The following CHCHD6 variants were observed in gnomAD, a reference collection of about 807,000 sequenced individuals.
The protein encoded by CHCHD6 is coiled-coil-helix-coiled-coil-helix domain containing 6.
A neutral mutation model predicts 32.3 loss-of-function variants in CHCHD6; 28 were observed. That is an observed-to-expected ratio of 0.87 (90% CI 0.64 to 1.19). The LOEUF (loss-of-function observed/expected upper bound fraction) is 1.19. Among genes scored for constraint, CHCHD6 ranks in the 50% most tolerant of loss-of-function variants. CHCHD6 has a pLI of 0.00. For missense variants in CHCHD6, 333 were observed against 307.0 expected, an observed-to-expected ratio of 1.08 and a Z score of -0.63; for synonymous variants, 122 against 117.5, an observed-to-expected ratio of 1.04 and a Z score of -0.25.
intron 4 of CHCHD6, among the ~76,000 whole-genome samples, chr3:126,841,015 GGTATATCTCCC>G (rs1941053940): frequency 6.6e-6 from 1 of 152,068 alleles, no homozygotes; most frequent in Admixed American, 6.5e-5. Context: ...TCTAGCATTA[GGTATATCTCCC>G]GATGCTATCC....
intron 4 of CHCHD6, among the ~76,000 whole-genome samples, chr3:126,737,942 G>C (rs557788365): frequency 1.1e-4 from 17 of 152,262 alleles, no homozygotes; most frequent in African/African-American, 4.1e-4. Flanking sequence ...ATAAATAGGA[G>C]ACAGCTGGAC....
chr3:126,716,322 G>T (rs888992999), intron 1 of CHCHD6, among the ~76,000 whole-genome samples: 2 of 152,216 alleles, frequency 1.3e-5, no homozygotes, highest in Non-Finnish European at 2.9e-5. Context: ...TCTCTGGAAC[G>T]CCACCTTCTG....
intron 4 of CHCHD6, among the ~76,000 whole-genome samples, chr3:126,823,122 G>A (rs1399510942): frequency 1.3e-5 from 2 of 150,820 alleles, no homozygotes; most frequent in African/African-American, 5.0e-5. Context: ...TCCCTGTGTT[G>A]CCCAGGCTGG....
intron 6 of CHCHD6, among the ~76,000 whole-genome samples, chr3:126,922,560 C>G (rs1303053762): frequency 6.6e-6 from 1 of 152,190 alleles, no homozygotes; most frequent in Non-Finnish European, 1.5e-5. Context: ...CTGCTTGCTG[C>G]TTACCTGACT....
intron 5 of CHCHD6, among the ~76,000 whole-genome samples, chr3:126,880,705 A>G (rs2077596889): frequency 6.6e-6 from 1 of 152,210 alleles, no homozygotes; most frequent in Non-Finnish European, 1.5e-5. Flanking sequence ...GGAAAATTTA[A>G]AAGCCCAGCA....
Position 126,864,130 on chromosome 3 carries a change from TCCACCATTA to T in CHCHD6, c.495+11413_495+11421del, listed in dbSNP as rs542499279. Among the ~76,000 whole-genome samples the T allele has an allele frequency of 7.2e-3, 972 of 134,290 alleles. 5 individuals are homozygous for T. Among genetic ancestry groups the T allele is most frequent in the Non-Finnish European group, 0.011 (669 of 63,178 alleles). 88.1% of individuals were successfully genotyped at this position (134,290 alleles called of 152,430 possible). A position where few individuals can be genotyped will look rare whatever the true frequency, so the allele number is the denominator to read the frequency against. On this transcript the variant is annotated intron_variant, in intron 5 of 7. Transcript: ENST00000290913. ...ATCCTCCACCACCATCACCACCTCC[TCCACCATTA>T]CCACCATTACCATCACCTTCTCCAC...
chr3:126,862,685 C>T (rs1333048040), intron 5 of CHCHD6, among the ~76,000 whole-genome samples: 4 of 125,050 alleles, frequency 3.2e-5, no homozygotes, highest in Admixed American at 7.7e-5. Context: ...ATCACCACCT[C>T]CCCCTCCTCC....
chr3:126,887,877 G>A (rs1012730800), intron 5 of CHCHD6, among the ~76,000 whole-genome samples: 15 of 152,320 alleles, frequency 9.8e-5, no homozygotes, highest in South Asian at 4.1e-4. Flanking sequence ...GCCAGAGTAT[G>A]CTAGTTGCCA....
chr3:126,914,305 A>G lies in CHCHD6; in HGVS notation c.496-375A>G, dbSNP rs560172183. ...AAGCTTTGTAGGTCATGTAGTCTCT[A>G]TCATAGCTCCTCAACTCTGCCATTG... On this transcript the variant is annotated intron_variant, in intron 5 of 7. Transcript: ENST00000290913. Among the ~76,000 whole-genome samples, 14 of 152,342 alleles carry G rather than the reference A, an allele frequency of 9.2e-5. 1 individual carries two copies. The highest frequency in any genetic ancestry group is 6.8e-3 in the Middle Eastern group (2 of 294).
intron 6 of CHCHD6, among the ~76,000 whole-genome samples, chr3:126,951,574 G>A (rs963958563): frequency 5.3e-5 from 8 of 152,238 alleles, no homozygotes. Context: ...AGAAGGAAGA[G>A]GGAGGGAGGA....
At chr3:126,714,246 A>G (rs893085190) in intron 1 of CHCHD6, among the ~76,000 whole-genome samples, 15 of 152,150 alleles carry the variant, frequency 9.9e-5, no homozygotes, top group African/African-American at 3.6e-4. Context: ...TTACAGTTAC[A>G]CCATGGTATC....
chr3:126,711,040 G>T lies in CHCHD6; in HGVS notation c.87+6641G>T, dbSNP rs145119171. ...CATTCAGTCTTCCATCATTAAGTGT[G>T]TTAGGTGTAGGGTTTTCGTAGATGC... is the stretch of plus-strand genomic sequence containing the variant. On this transcript the variant is annotated intron_variant, in intron 1 of 7. Coordinates refer to ENST00000290913, the MANE Select transcript of CHCHD6 (RefSeq NM_032343.3). 4.1e-3 allele frequency among the ~76,000 whole-genome samples: 618 copies of T among 152,264 alleles called. 7 individuals are homozygous for T. Among genetic ancestry groups the T allele is most frequent in the African/African-American group, 0.014 (571 of 41,554 alleles).
intron 4 of CHCHD6, among the ~76,000 whole-genome samples, chr3:126,827,624 G>A (rs1940452787): frequency 1.3e-5 from 2 of 152,302 alleles, no homozygotes; most frequent in South Asian, 2.1e-4. Flanking sequence ...TGGAGAACCT[G>A]TGAAGTCTTC....
At chr3:126,787,358 G>T (rs1938268353) in intron 4 of CHCHD6, among the ~76,000 whole-genome samples, 1 of 151,616 alleles carries the variant, frequency 6.6e-6, no homozygotes, top group Non-Finnish European at 1.5e-5. Context: ...CCAATTCTGT[G>T]AAAAAAGTCA....
intron 7 of CHCHD6, 91 bp from the exon 8 acceptor site, chr3:126,960,105 G>A (rs2078839822): frequency 6.7e-7 from 1 of 1,484,638 alleles, no homozygotes; most frequent in Non-Finnish European, 9.2e-7. Context: ...TGCTCCCTGG[G>A]AAGCGGTTGC....
chr3:126,866,106 G>T (rs1469033528), intron 5 of CHCHD6, among the ~76,000 whole-genome samples: 1 of 151,990 alleles, frequency 6.6e-6, no homozygotes, highest in African/African-American at 2.4e-5. Context: ...GATTTAATCA[G>T]GGCTTTCAGA....
At chr3:126,707,735 T>A (rs1325941608) in intron 1 of CHCHD6, among the ~76,000 whole-genome samples, 1 of 152,242 alleles carries the variant, frequency 6.6e-6, no homozygotes, top group Non-Finnish European at 1.5e-5. Flanking sequence ...CCCATGAGGC[T>A]GATTCTGGAC....
At chr3:126,789,208 C>G (rs1938391461) in intron 4 of CHCHD6, among the ~76,000 whole-genome samples, 1 of 152,144 alleles carries the variant, frequency 6.6e-6, no homozygotes, top group East Asian at 1.9e-4. Context: ...AATTTCTGTT[C>G]TTTTACATTT....
At chr3:126,707,083 A>G (rs1934523079) in intron 1 of CHCHD6, among the ~76,000 whole-genome samples, 1 of 152,086 alleles carries the variant, frequency 6.6e-6, no homozygotes, top group Non-Finnish European at 1.5e-5. Context: ...TCTGGCCAAC[A>G]TGGTGAAACC....
Sources: gnomAD v4.1 joint callset for allele counts (sites outside exome capture counted in the v4.1 genomes callset) on GRCh38, gnomAD v4.1.1 for gene constraint, MANE v1.5 for transcripts, NCBI Gene and HGNC (gene_info 2026-07-23, HGNC 2026-07-21) for gene names.